FRMD6: variants seen among roughly 807,000 people sequenced by gnomAD.
FRMD6 encodes the protein FERM domain containing 6.
A neutral mutation model predicts 73.2 loss-of-function variants in FRMD6; 37 were observed. The observed-to-expected ratio is 0.51, with a 90% CI of 0.39 to 0.66. The LOEUF (loss-of-function observed/expected upper bound fraction) is 0.66, where lower values mean the gene tolerates loss of function less well. FRMD6 is among the 30% of genes least tolerant of loss of function. FRMD6 has a pLI of 0.00. For missense variants in FRMD6, 714 were observed against 780.5 expected, an observed-to-expected ratio of 0.91 and a Z score of 1.02; for synonymous variants, 273 against 282.2, an observed-to-expected ratio of 0.97 and a Z score of 0.33.
intron 1 of FRMD6, among the ~76,000 whole-genome samples, chr14:51,511,436 T>C (rs1462517974): frequency 6.6e-6 from 1 of 152,014 alleles, no homozygotes; most frequent in Non-Finnish European, 1.5e-5. Context: ...ATTGTGGGGG[T>C]TTGCTGTAGT....
At chr14:51,516,797 A>G (rs987522457) in intron 1 of FRMD6, among the ~76,000 whole-genome samples, 6 of 152,214 alleles carry the variant, frequency 3.9e-5, no homozygotes. Flanking sequence ...AAAGTAACCC[A>G]TTATGCAAAT....
chr14:51,508,397 C>T (rs1302265024), intron 1 of FRMD6, among the ~76,000 whole-genome samples: 1 of 152,192 alleles, frequency 6.6e-6, no homozygotes, highest in Non-Finnish European at 1.5e-5. Flanking sequence ...GGGAAGAAGC[C>T]TCTTTTATAC....
At chr14:51,489,943 G>A (rs568350780) in intron 1 of FRMD6, among the ~76,000 whole-genome samples, 1 of 152,364 alleles carries the variant, frequency 6.6e-6, no homozygotes, top group African/African-American at 2.4e-5. Context: ...GAAACATTAA[G>A]TAGGTGTCGG....
At chr14:51,642,588 A>C (rs867323333) in intron 2 of FRMD6, among the ~76,000 whole-genome samples, 6 of 152,144 alleles carry the variant, frequency 3.9e-5, no homozygotes, top group Admixed American at 6.5e-5. Flanking sequence ...ACTAAGAACA[A>C]ACTTCCAAAG....
At chr14:51,408,159 C>CT in the FRMD6 span, among the ~76,000 whole-genome samples, 3,300 of 141,598 alleles carry the variant, frequency 0.023, 115 homozygotes, top group African/African-American at 0.075. Flanking sequence ...CTCAGCTATT[C>CT]TTTTTTTTTT....
At chr14:51,419,058 G>A in the FRMD6 span, among the ~76,000 whole-genome samples, 2 of 152,190 alleles carry the variant, frequency 1.3e-5, no homozygotes, top group South Asian at 2.1e-4. Context: ...GGGTGGGAGT[G>A]TCCTGTTTTT....
At chr14:51,436,338 C>A in the FRMD6 span, 1 of 377,174 alleles carries the variant, frequency 2.7e-6, no homozygotes, top group Non-Finnish European at 5.1e-6. Context: ...ATTTGTTAAC[C>A]ATCCAAAAGT....
intron 7 of FRMD6, 128 bp from the exon 8 acceptor site, chr14:51,711,403 A>G: frequency 3.7e-6 from 2 of 546,670 alleles, no homozygotes; most frequent in Non-Finnish European, 6.3e-6. Context: ...GCTTGAGCAA[A>G]GTTATTTTAA....
intron 1 of FRMD6, among the ~76,000 whole-genome samples, chr14:51,519,747 G>A (rs182144652): frequency 3.5e-4 from 53 of 152,246 alleles, no homozygotes; most frequent in Admixed American, 1.0e-3. Flanking sequence ...CTGTGGAAGG[G>A]TATTGGAGAG....
chr14:51,620,240 T>C, intron 2 of FRMD6, among the ~76,000 whole-genome samples: 1 of 152,144 alleles, frequency 6.6e-6, no homozygotes, highest in Non-Finnish European at 1.5e-5. Context: ...TACTTTTAAA[T>C]TGGCCTGGGA....
chr14:51,657,632 T>C (rs1043175150), intron 1 of FRMD6, among the ~76,000 whole-genome samples: 4 of 152,218 alleles, frequency 2.6e-5, no homozygotes, highest in Non-Finnish European at 5.9e-5. Flanking sequence ...GGACAGTACA[T>C]GGTAGGTGAC....
intron 9 of FRMD6, among the ~76,000 whole-genome samples, chr14:51,713,312 G>A (rs1424058242): frequency 6.6e-6 from 1 of 152,066 alleles, no homozygotes; most frequent in Non-Finnish European, 1.5e-5. Flanking sequence ...ACAAAAATTA[G>A]TTGGGCATAG....
At chr14:51,580,674 A>C (rs1433753447) in intron 2 of FRMD6, among the ~76,000 whole-genome samples, 1 of 152,214 alleles carries the variant, frequency 6.6e-6, no homozygotes, top group African/African-American at 2.4e-5. Context: ...TTTCTGTAAT[A>C]TAACCCTCAC....
chr14:51,552,401 A>G (rs1210047392), intron 1 of FRMD6, among the ~76,000 whole-genome samples: 1 of 152,244 alleles, frequency 6.6e-6, no homozygotes, highest in Non-Finnish European at 1.5e-5. Flanking sequence ...ACAAACAGTT[A>G]CAAGAGGGAC....
At chr14:51,711,723 C>G (rs1172643062) in intron 8 of FRMD6, 127 bp downstream of exon 8, 1 of 665,272 alleles carries the variant, frequency 1.5e-6, no homozygotes, top group African/African-American at 1.8e-5. Flanking sequence ...TCCCATTTGT[C>G]TAGCACAGAT....
chr14:51,542,759 C>T lies in FRMD6; in HGVS notation c.-209-27589C>T, dbSNP rs977997668. On this transcript the variant is annotated intron_variant, in intron 1 of 14. Coordinates refer to the FRMD6 transcript ENST00000356218. ...AGCAGCAATGTGGTTCCAATTTCTT[C>T]GTGTCCTCACCAACACTTATTATAC... is the stretch of plus-strand genomic sequence containing the variant. Among the ~76,000 whole-genome samples, 13 of 152,030 alleles carry T rather than the reference C, an allele frequency of 8.6e-5. No homozygotes were observed. In the East Asian group the frequency reaches 9.6e-4, roughly 11 times the overall value.
At chr14:51,632,445 T>C (rs1891373740) in intron 2 of FRMD6, among the ~76,000 whole-genome samples, 2 of 152,216 alleles carry the variant, frequency 1.3e-5, no homozygotes, top group African/African-American at 4.8e-5. Context: ...TCAATGTGCA[T>C]TATGAGCCTC....
At chr14:51,646,883 C>G (rs984599853) in intron 2 of FRMD6, among the ~76,000 whole-genome samples, 1 of 151,930 alleles carries the variant, frequency 6.6e-6, no homozygotes, top group African/African-American at 2.4e-5. Context: ...CTCCAAGACG[C>G]CAGTGTAATT....
At chr14:51,662,559 A>C (rs1304027827) in intron 1 of FRMD6, among the ~76,000 whole-genome samples, 1 of 152,184 alleles carries the variant, frequency 6.6e-6, no homozygotes, top group Non-Finnish European at 1.5e-5. Flanking sequence ...AGAATTCCCT[A>C]TGCATTGAAT....
Sources: allele counts gnomAD v4.1 joint callset (sites outside exome capture counted in the v4.1 genomes callset), GRCh38; gene constraint gnomAD v4.1.1; transcripts MANE v1.5; gene names NCBI Gene and HGNC (gene_info 2026-07-23, HGNC 2026-07-21).